KCNK10: variants seen among roughly 807,000 people sequenced by gnomAD.
KCNK10 encodes the protein potassium channel subfamily K member 10.
Under a neutral mutation model 47.7 loss-of-function variants are expected in KCNK10, and 25 were observed. The observed-to-expected ratio is 0.52, with a 90% CI of 0.38 to 0.73. KCNK10 has a LOEUF of 0.73. Ranked by LOEUF, KCNK10 falls within the 30% of genes least tolerant of loss-of-function variation. The pLI is 0.00. For missense variants in KCNK10, 563 were observed against 714.5 expected (o/e 0.79, Z 2.42); for synonymous variants, 303 against 285.6 (o/e 1.06, Z -0.61).
intron 2 of KCNK10, among the ~76,000 whole-genome samples, chr14:88,246,429 C>T (rs954194141): frequency 1.3e-5 from 2 of 152,332 alleles, no homozygotes; most frequent in South Asian, 4.1e-4. Context: ...CATCTCTCCA[C>T]CTCCTCACAC....
intron 1 of KCNK10, among the ~76,000 whole-genome samples, chr14:88,300,123 T>C (rs1205007214): frequency 6.6e-6 from 1 of 152,168 alleles, no homozygotes; most frequent in Non-Finnish European, 1.5e-5. Flanking sequence ...TCCCCTCTGA[T>C]TCCTCCCCAC....
intron 1 of KCNK10, among the ~76,000 whole-genome samples, chr14:88,278,782 T>C (rs1887583745): frequency 6.6e-6 from 1 of 152,222 alleles, no homozygotes; most frequent in Non-Finnish European, 1.5e-5. Flanking sequence ...CTTGTGGTTA[T>C]GTTTCCTCCA....
At chr14:88,241,832 G>A (rs534508731) in intron 2 of KCNK10, among the ~76,000 whole-genome samples, 36 of 152,170 alleles carry the variant, frequency 2.4e-4, no homozygotes, top group Admixed American at 2.0e-3. Context: ...TTAAAGATAC[G>A]CTAAAAATCC....
intron 3 of KCNK10, among the ~76,000 whole-genome samples, chr14:88,228,530 C>T (rs974122345): frequency 6.6e-6 from 1 of 152,136 alleles, no homozygotes; most frequent in Non-Finnish European, 1.5e-5. Flanking sequence ...AGTATCTAGA[C>T]AGTAATCTAA....
intron 4 of KCNK10, among the ~76,000 whole-genome samples, chr14:88,212,927 C>T (rs566402931): frequency 6.6e-6 from 1 of 152,348 alleles, no homozygotes; most frequent in African/African-American, 2.4e-5. Flanking sequence ...AGAGCCTGCT[C>T]AGCATGGGGC....
chr14:88,282,541 G>A (rs996042685), intron 1 of KCNK10, among the ~76,000 whole-genome samples: 2 of 152,170 alleles, frequency 1.3e-5, no homozygotes, highest in Non-Finnish European at 2.9e-5. Flanking sequence ...CAAAGCTGAG[G>A]CTTAGAAGAC....
chr14:88,250,862 A>T (rs1171217060), intron 2 of KCNK10, among the ~76,000 whole-genome samples: 2 of 152,152 alleles, frequency 1.3e-5, no homozygotes, highest in African/African-American at 4.8e-5. Flanking sequence ...ACCAAAAAGA[A>T]AAGACTTGTA....
At chr14:88,297,213 C>T (rs1170476984) in intron 1 of KCNK10, among the ~76,000 whole-genome samples, 1 of 152,142 alleles carries the variant, frequency 6.6e-6, no homozygotes, top group Non-Finnish European at 1.5e-5. Flanking sequence ...GAGGTTCTAT[C>T]ATTTTAAAAG....
At chr14:88,291,710 T>C (rs190605237) in intron 1 of KCNK10, among the ~76,000 whole-genome samples, 137 of 152,292 alleles carry the variant, frequency 9.0e-4, no homozygotes, top group African/African-American at 2.9e-3. Flanking sequence ...TGATGCCCTC[T>C]GGAGGTGTGC....
intron 3 of KCNK10, among the ~76,000 whole-genome samples, 155 bp from the exon 4 acceptor site, chr14:88,227,690 T>C (rs1886031721): frequency 6.6e-6 from 1 of 152,224 alleles, no homozygotes; most frequent in Non-Finnish European, 1.5e-5. Flanking sequence ...TTCGCAACAT[T>C]GTTCCATTGC....
chr14:88,233,907 C>G (rs2009209), intron 3 of KCNK10, among the ~76,000 whole-genome samples: 6,800 of 152,260 alleles, frequency 0.045, 509 homozygotes, highest in African/African-American at 0.16. Context: ...AATATACACA[C>G]TAATGTCTCA....
In KCNK10 at chr14:88,202,142, C is replaced by A. The variant is rs140498335; in HGVS notation, c.682-9732G>T. On this transcript the variant is annotated intron_variant, in intron 4 of 6. Transcript: ENST00000319231. ...AGATCTCCAGGCCTCCTGATGTTCA[C>A]CCCATGTTAGGAGAAAGATTAGAAA... Among the ~76,000 whole-genome samples the A allele has an allele frequency of 2.0e-3, 308 of 152,312 alleles. 3 individuals are homozygous for A. Among genetic ancestry groups the A allele is most frequent in the Middle Eastern group, 0.014 (4 of 294 alleles).
intron 1 of KCNK10, among the ~76,000 whole-genome samples, chr14:88,315,362 A>C (rs891523442): frequency 2.0e-5 from 3 of 152,230 alleles, no homozygotes; most frequent in Non-Finnish European, 4.4e-5. Context: ...ATTAATAAAT[A>C]GACTTTATTC....
intron 4 of KCNK10, among the ~76,000 whole-genome samples, chr14:88,198,934 T>TA (rs67622544): frequency 1.3e-5 from 2 of 149,794 alleles, no homozygotes. Flanking sequence ...TATTTTATTT[T>TA]TTTGAGGCAG....
chr14:88,306,588 C>A (rs1057435884), intron 1 of KCNK10, among the ~76,000 whole-genome samples: 2 of 151,932 alleles, frequency 1.3e-5, no homozygotes, highest in African/African-American at 4.8e-5. Flanking sequence ...ACGCCTTTTC[C>A]TTCCATGAAT....
intron 6 of KCNK10, among the ~76,000 whole-genome samples, chr14:88,187,696 G>A (rs1884615395): frequency 6.7e-6 from 1 of 150,356 alleles, no homozygotes; most frequent in Non-Finnish European, 1.5e-5. Context: ...TTTAAAATCA[G>A]CTGTTGTTTA....
At chr14:88,228,451 T>C (rs147012236) in intron 3 of KCNK10, among the ~76,000 whole-genome samples, 45 of 152,312 alleles carry the variant, frequency 3.0e-4, no homozygotes, top group African/African-American at 1.1e-3. Context: ...ACACTTTATA[T>C]GGAGATGAAA....
rs1208896509 is a variant in KCNK10 at position 88,180,750 on chromosome 14, G to A, written c.*4785C>T. The A allele has an allele frequency of 7.5e-6, 3 of 398,614 alleles. No individual in the cohort carries two copies. The highest frequency in any genetic ancestry group is 1.3e-5 in the Non-Finnish European group (3 of 226,052). 24.7% of individuals were successfully genotyped at this position (398,614 alleles called of 1,614,324 possible). A position where few individuals can be genotyped will look rare whatever the true frequency, so the allele number is the denominator to read the frequency against. On this transcript the variant is annotated 3_prime_UTR_variant, in exon 7 of 7. Coordinates refer to ENST00000319231, the MANE Select transcript of KCNK10 (RefSeq NM_138317.3). ...GACTTAGGGCAGGCATGAGAGAACT[G>A]AGGTTTACATGGAGTATGGATGGGT...
intron 1 of KCNK10, among the ~76,000 whole-genome samples, chr14:88,267,521 C>A (rs930098522): frequency 2.6e-5 from 4 of 152,014 alleles, no homozygotes; most frequent in African/African-American, 9.7e-5. Context: ...CAGGCGTGCA[C>A]CACCATGCCC....
Sources: allele counts gnomAD v4.1 joint callset (sites outside exome capture counted in the v4.1 genomes callset), GRCh38; gene constraint gnomAD v4.1.1; transcripts MANE v1.5; gene names NCBI Gene and HGNC (gene_info 2026-07-23, HGNC 2026-07-21).